The following ORC4 variants were observed in gnomAD, a reference collection of about 807,000 sequenced individuals.
ORC4 encodes the protein origin recognition complex subunit 4, also known as origin recognition complex, subunit 4 homolog.
In ORC4, 55 loss-of-function variants were observed where a neutral mutation model predicts 63.9. The observed-to-expected ratio is 0.86, with a 90% confidence interval of 0.69 to 1.08. ORC4 has a LOEUF of 1.08. Ranked by LOEUF, ORC4 falls within the 50% of genes least tolerant of loss-of-function variation. The pLI, the probability that ORC4 is intolerant of heterozygous loss-of-function variation, is 0.00. For synonymous variants in ORC4, 150 were observed against 168.5 expected (o/e 0.89, Z 0.85); for missense variants, 511 against 504.4 (o/e 1.01, Z -0.13).
chr2:147,940,379 C>T (rs1016474692), intron 10 of ORC4, among the ~76,000 whole-genome samples: 1 of 151,940 alleles, frequency 6.6e-6, no homozygotes, highest in African/African-American at 2.4e-5. Flanking sequence ...AGTAGAACTA[C>T]CATTTGATAC....
At chr2:147,996,710 A>G (rs1320242173) in intron 1 of ORC4, among the ~76,000 whole-genome samples, 1 of 152,216 alleles carries the variant, frequency 6.6e-6, no homozygotes, top group Non-Finnish European at 1.5e-5. Flanking sequence ...ATGAGATACC[A>G]TTGCACACCT....
chr2:147,969,922 T>A lies in ORC4; in HGVS notation c.225+2817A>T, dbSNP rs557985521. Among the ~76,000 whole-genome samples, 4 of 152,032 alleles carry A rather than the reference T, an allele frequency of 2.6e-5. 1 individual carries two copies. In the South Asian group the frequency reaches 8.3e-4, roughly 32 times the overall value. On this transcript the variant is annotated intron_variant, in intron 4 of 13. Coordinates refer to ENST00000392857, the MANE Select transcript of ORC4 (RefSeq NM_181741.4). Reference sequence around the variant, plus strand: ...GATAGGGAAGGAATAATTAAAACTGTCTTTGTTGACAGATAACATAACTGT... The same window carrying A: ...GATAGGGAAGGAATAATTAAAACTGACTTTGTTGACAGATAACATAACTGT...
At chr2:147,999,398 G>A (rs1449485296) in intron 1 of ORC4, among the ~76,000 whole-genome samples, 1 of 152,116 alleles carries the variant, frequency 6.6e-6, no homozygotes, top group Non-Finnish European at 1.5e-5. Flanking sequence ...TCATACTACT[G>A]GCAATCAGAC....
intron 1 of ORC4, among the ~76,000 whole-genome samples, chr2:147,976,802 T>G (rs1188636006): frequency 6.6e-6 from 1 of 152,158 alleles, no homozygotes; most frequent in Non-Finnish European, 1.5e-5. Flanking sequence ...TGTTTCCAAA[T>G]TGAGATTTTT....
Position 147,938,302 on chromosome 2 carries a change from A to G in ORC4, c.1050T>C (p.Tyr350=). The change falls in exon 12 of 14, where the codon TAT becomes TAC. Residue 350 remains tyrosine (Y), a synonymous_variant. Coordinates refer to ENST00000392857, the MANE Select transcript of ORC4 (RefSeq NM_181741.4). ...GCTACTTAAGTCTCATCTCACCATT[A>G]TAGACCATTTGAAAATTAAATGGCT... ...EEEPFNFQMV[Y]NEFQKFVQRK... 1 of 1,600,786 alleles carries G rather than the reference A, an allele frequency of 6.2e-7. No homozygotes were observed. Among genetic ancestry groups the G allele is most frequent in the South Asian group, 1.1e-5 (1 of 90,808 alleles).
In ORC4 at chr2:147,932,020, C is replaced by T. The variant is rs1441401063; in HGVS notation, c.*3490G>A. 2 of 151,702 alleles carry T rather than the reference C, an allele frequency of 1.3e-5. No homozygotes were observed. Among genetic ancestry groups the T allele is most frequent in the East Asian group, 1.9e-4 (1 of 5,158 alleles). 9.4% of individuals were successfully genotyped at this position (151,702 alleles called of 1,614,324 possible). ...TAGGAAAAGAGGAAGTCAAATTGTC[C>T]GTTTGCAGACGACATGATTGTATAT... On this transcript the variant is annotated 3_prime_UTR_variant, in exon 14 of 14. Coordinates refer to ENST00000392857, the MANE Select transcript of ORC4 (RefSeq NM_181741.4).
chr2:147,973,386 T>C lies in ORC4; in HGVS notation c.134+62A>G. On this transcript the variant is annotated intron_variant, in intron 3 of 13. Coordinates refer to ENST00000392857, the MANE Select transcript of ORC4 (RefSeq NM_181741.4). The stretch of plus-strand genomic sequence containing the variant: ...AATATCAAATTTGTACAATAATTTT[T>C]GCAAAACCTGGAAGGCATCTGTAAG... The C allele has an allele frequency of 3.2e-6, 3 of 949,078 alleles. No individual in the cohort carries two copies. The Admixed American group carries it at 5.2e-5, about 16-fold the overall frequency. 58.8% of individuals were successfully genotyped at this position (949,078 alleles called of 1,614,324 possible).
At chr2:147,965,001 G>A (rs892840627) in intron 4 of ORC4, among the ~76,000 whole-genome samples, 4 of 152,046 alleles carry the variant, frequency 2.6e-5, no homozygotes, top group Non-Finnish European at 5.9e-5. Flanking sequence ...ATCTTTCACA[G>A]ACAAGCAAAA....
At chr2:147,940,371 T>C (rs886331610) in intron 10 of ORC4, among the ~76,000 whole-genome samples, 1 of 151,984 alleles carries the variant, frequency 6.6e-6, no homozygotes, top group Non-Finnish European at 1.5e-5. Flanking sequence ...GAACTAAAAG[T>C]AGAACTACCA....
At chr2:147,951,755 G>A (rs567982287) in intron 8 of ORC4, 1 of 152,334 alleles carries the variant, frequency 6.6e-6, no homozygotes, top group Non-Finnish European at 1.5e-5. Flanking sequence ...AATTCAGTAA[G>A]TTAATACTAC....
chr2:148,017,659 G>C (rs768612932), intron 1 of ORC4, among the ~76,000 whole-genome samples: 1 of 152,174 alleles, frequency 6.6e-6, no homozygotes, highest in African/African-American at 2.4e-5. Flanking sequence ...GCAACAGAGC[G>C]AGACTCCATC....
chr2:147,938,211 ACT>A lies in ORC4; in HGVS notation c.1055_1056del (p.Glu352ValfsTer14). On this transcript the variant is annotated frameshift_variant and splice_region_variant, in exon 13 of 14. Coordinates refer to ENST00000392857, the MANE Select transcript of ORC4 (RefSeq NM_181741.4). LOFTEE classifies it high-confidence loss of function. ...GCTTTCCTTTGAACAAACTTCTGAA[ACT>A]CTGAGTAGAAAGCAATGACAACATT... The part of the protein sequence containing the change: ...EPFNFQMVYN[E>X]FQKFVQRKAH... 1 of 1,612,422 alleles carries A rather than the reference ACT, an allele frequency of 6.2e-7. No homozygotes were observed. The highest frequency in any genetic ancestry group is 8.5e-7 in the Non-Finnish European group (1 of 1,178,724).
chr2:147,946,661 T>C (rs938887975), intron 9 of ORC4, among the ~76,000 whole-genome samples: 3 of 152,098 alleles, frequency 2.0e-5, no homozygotes, highest in Non-Finnish European at 4.4e-5. Context: ...CAAGGCATAA[T>C]ATCTGAATTT....
intron 6 of ORC4, among the ~76,000 whole-genome samples, chr2:147,957,964 G>A (rs1207030266): frequency 1.3e-5 from 2 of 152,086 alleles, no homozygotes; most frequent in Non-Finnish European, 2.9e-5. Flanking sequence ...GGCTGCTGGA[G>A]CATGGTATTT....
At chr2:148,006,266 C>G (rs1199384665) in intron 1 of ORC4, among the ~76,000 whole-genome samples, 1 of 151,756 alleles carries the variant, frequency 6.6e-6, no homozygotes, top group Admixed American at 6.6e-5. Flanking sequence ...CTGGTGCCCA[C>G]AGAAGGAGCA....
chr2:147,986,705 CAGG>C (rs1691217218), intron 1 of ORC4, among the ~76,000 whole-genome samples: 1 of 151,484 alleles, frequency 6.6e-6, no homozygotes, highest in Non-Finnish European at 1.5e-5. Context: ...GTGTGTGTTG[CAGG>C]AGGATATGGG....
At chr2:147,940,005 T>C (rs1688271527) in intron 10 of ORC4, among the ~76,000 whole-genome samples, 1 of 152,154 alleles carries the variant, frequency 6.6e-6, no homozygotes, top group Admixed American at 6.6e-5. Context: ...ATTTGGGATA[T>C]AATTATCCAA....
intron 10 of ORC4, among the ~76,000 whole-genome samples, chr2:147,940,367 A>C (rs1373466229): frequency 1.3e-5 from 2 of 152,080 alleles, no homozygotes; most frequent in Non-Finnish European, 2.9e-5. Flanking sequence ...TAAAGAACTA[A>C]AAGTAGAACT....
intron 4 of ORC4, among the ~76,000 whole-genome samples, chr2:147,966,238 T>C (rs897306216): frequency 2.6e-5 from 4 of 152,038 alleles, no homozygotes; most frequent in Non-Finnish European, 5.9e-5. Context: ...GGCAAGTTTA[T>C]ATCAATATAT....
Sources: allele counts gnomAD v4.1 joint callset (sites outside exome capture counted in the v4.1 genomes callset), GRCh38; gene constraint gnomAD v4.1.1; transcripts MANE v1.5; gene names NCBI Gene and HGNC (gene_info 2026-07-23, HGNC 2026-07-21).